Variants in CERS6 observed in about 807,000 individuals in gnomAD.
CERS6 encodes the protein LAG1 homolog, ceramide synthase 6.
Under a neutral mutation model 56.8 loss-of-function variants are expected in CERS6, and 26 were observed. The ratio of observed to expected loss-of-function variants is 0.46; its 90% CI spans 0.34 to 0.63. CERS6 has a LOEUF of 0.63. Among genes scored for constraint, CERS6 ranks in the 30% least tolerant of loss-of-function variants. The probability of loss-of-function intolerance (pLI) is 0.01; values close to 1 mark genes in which losing one functional copy is unlikely to be tolerated. For missense variants in CERS6, 415 were observed against 467.5 expected (o/e 0.89, Z 1.04); for synonymous variants, 164 against 173.3 (o/e 0.95, Z 0.42).
At chr2:168,757,300 G>C (rs559281471) in intron 8 of CERS6, among the ~76,000 whole-genome samples, 1 of 151,440 alleles carries the variant, frequency 6.6e-6, no homozygotes, top group East Asian at 1.9e-4. Context: ...CCAGGCAGTG[G>C]CAGAATTAAG....
At chr2:168,528,661 T>C (rs2105360867) in intron 1 of CERS6, among the ~76,000 whole-genome samples, 1 of 5,166 alleles carries the variant, frequency 1.9e-4, no homozygotes, top group East Asian at 2.6e-3. Context: ...AGGTTCATAG[T>C]TTTATAGCAT....
intron 1 of CERS6, among the ~76,000 whole-genome samples, chr2:168,509,688 T>C (rs1307546522): frequency 6.6e-6 from 1 of 152,240 alleles, no homozygotes; most frequent in Admixed American, 6.5e-5. Flanking sequence ...TCTCAGTGTT[T>C]GTAGAGTATT....
chr2:168,584,813 G>T (rs768483699), intron 3 of CERS6, among the ~76,000 whole-genome samples: 19 of 152,190 alleles, frequency 1.2e-4, no homozygotes, highest in Admixed American at 1.2e-3. Flanking sequence ...AAATTGTGGG[G>T]TTTTTTGTTT....
chr2:168,623,253 A>G (rs10184235), intron 3 of CERS6, among the ~76,000 whole-genome samples: 48,466 of 152,000 alleles, frequency 0.32, 8,554 homozygotes, highest in South Asian at 0.48. Context: ...CAGGGATAGG[A>G]GTGGGGGAAA....
Position 168,470,719 on chromosome 2 carries a change from T to C in CERS6, c.170+14101T>C, listed in dbSNP as rs181565325. The stretch of plus-strand genomic sequence containing the variant: ...GGACTAGGGAGAGAACAAAAACAGA[T>C]ATGCAGGTGGTGGTTGTTAACCAGA... On this transcript the variant is annotated intron_variant, in intron 1 of 9. Coordinates refer to ENST00000305747, the MANE Select transcript of CERS6 (RefSeq NM_203463.3). 3.3e-4 allele frequency among the ~76,000 whole-genome samples: 50 copies of C among 152,226 alleles called. No individual in the cohort carries two copies. The East Asian group carries it at 9.1e-3, about 28-fold the overall frequency.
intron 4 of CERS6, among the ~76,000 whole-genome samples, chr2:168,690,490 G>T (rs1444511608): frequency 6.6e-6 from 1 of 152,112 alleles, no homozygotes; most frequent in Non-Finnish European, 1.5e-5. Context: ...GTCATAAAAA[G>T]ACCTGGATCA....
At chr2:168,579,342 A>G (rs947390077) in intron 3 of CERS6, among the ~76,000 whole-genome samples, 9 of 152,068 alleles carry the variant, frequency 5.9e-5, no homozygotes, top group Non-Finnish European at 1.3e-4. Flanking sequence ...GGTTCAAGGT[A>G]ATGTATTTAA....
At chr2:168,708,301 C>A (rs1371685363) in intron 6 of CERS6, among the ~76,000 whole-genome samples, 2 of 152,088 alleles carry the variant, frequency 1.3e-5, no homozygotes, top group Non-Finnish European at 2.9e-5. Flanking sequence ...AAGTCCACTT[C>A]TACCGCCAGC....
intron 1 of CERS6, among the ~76,000 whole-genome samples, chr2:168,467,279 T>A (rs1325880634): frequency 9.2e-5 from 14 of 152,204 alleles, no homozygotes; most frequent in African/African-American, 3.4e-4. Flanking sequence ...GATCTTGTTT[T>A]AATAGCTCAC....
intron 4 of CERS6, among the ~76,000 whole-genome samples, chr2:168,685,280 A>C (rs1305011908): frequency 6.6e-6 from 1 of 152,148 alleles, no homozygotes; most frequent in East Asian, 1.9e-4. Flanking sequence ...TCTTTTCTTA[A>C]ATCAAAATAG....
intron 8 of CERS6, among the ~76,000 whole-genome samples, chr2:168,755,839 A>C (rs983450416): frequency 3.3e-5 from 5 of 152,218 alleles, no homozygotes; most frequent in Non-Finnish European, 7.3e-5. Context: ...TTTCTACTTT[A>C]ACTGAGTTAA....
chr2:168,532,926 T>G (rs910464934), intron 1 of CERS6, among the ~76,000 whole-genome samples: 1 of 152,230 alleles, frequency 6.6e-6, no homozygotes, highest in African/African-American at 2.4e-5. Context: ...GAGCATTTTT[T>G]TATGTTACTA....
rs1156972782 is a variant in CERS6 at position 168,717,904 on chromosome 2, G to T, written c.771G>T (p.Gln257His). The T allele has an allele frequency of 1.9e-6, 3 of 1,613,706 alleles. No individual in the cohort carries two copies. Among genetic ancestry groups the T allele is most frequent in the Non-Finnish European group, 2.5e-6 (3 of 1,179,786 alleles). The change falls in exon 8 of 10, where the codon CAG (glutamine) becomes CAT (histidine). Residue 257 changes from glutamine to histidine, a missense_variant. Physicochemically the swap from Gln to His is conservative, Grantham distance 24 (BLOSUM62 0). Coordinates refer to ENST00000305747, the MANE Select transcript of CERS6 (RefSeq NM_203463.3). ...AAKMANYAKF[Q>H]KMCDLLFVMF... ...AAATGGCAAATTATGCCAAGTTTCA[G>T]AAAATGTGTGATCTCCTGTTTGTTA... is the stretch of plus-strand genomic sequence containing the variant.
chr2:168,500,955 C>T lies in CERS6; in HGVS notation c.170+44337C>T, dbSNP rs13386293. Reference sequence around the variant, plus strand: ...AATTCCTTTATAACAATTAAAGCGACTATAAAGTAGATGTAGGGCTAGGCA... The same window carrying T: ...AATTCCTTTATAACAATTAAAGCGATTATAAAGTAGATGTAGGGCTAGGCA... On this transcript the variant is annotated intron_variant, in intron 1 of 9. Transcript: ENST00000305747. Among the ~76,000 whole-genome samples, 595 of 152,270 alleles carry T rather than the reference C, an allele frequency of 3.9e-3. 2 individuals carry two copies. The highest frequency in any genetic ancestry group is 0.013 in the African/African-American group (546 of 41,542).
At chr2:168,602,771 T>G (rs1185557649) in intron 3 of CERS6, among the ~76,000 whole-genome samples, 2 of 152,196 alleles carry the variant, frequency 1.3e-5, no homozygotes, top group Non-Finnish European at 2.9e-5. Context: ...GGTTTGGGGT[T>G]TGACCTGAGT....
intron 3 of CERS6, among the ~76,000 whole-genome samples, chr2:168,593,059 C>G (rs1200780674): frequency 6.6e-6 from 1 of 152,142 alleles, no homozygotes; most frequent in African/African-American, 2.4e-5. Context: ...GACCCTTCCT[C>G]CACTTTGAAA....
chr2:168,561,904 A>G (rs573077018), intron 3 of CERS6, among the ~76,000 whole-genome samples: 4 of 152,378 alleles, frequency 2.6e-5, no homozygotes, highest in African/African-American at 9.6e-5. Flanking sequence ...TAAAGGACCC[A>G]CAGAGAGCTC....
At chr2:168,497,710 G>T (rs899393961) in intron 1 of CERS6, among the ~76,000 whole-genome samples, 1 of 152,288 alleles carries the variant, frequency 6.6e-6, no homozygotes, top group Admixed American at 6.5e-5. Context: ...ATCACAGAGG[G>T]CCTTGGGAAG....
Position 168,456,329 on chromosome 2 carries a change from G to GGA in CERS6, c.-119_-118insAG. The GGA allele has an allele frequency of 3.8e-6, 2 of 525,040 alleles. No individual in the cohort carries two copies. The highest frequency in any genetic ancestry group is 5.3e-6 in the Non-Finnish European group (2 of 375,188). 32.5% of individuals were successfully genotyped at this position (525,040 alleles called of 1,614,324 possible). A position where few individuals can be genotyped will look rare whatever the true frequency, so the allele number is the denominator to read the frequency against. The stretch of plus-strand genomic sequence containing the variant: ...CGCGGAGGAGGCGGCGGCGGCGGGC[G>GGA]GGAGCAGCGGCGGCGGCGGCACAGG... On this transcript the variant is annotated 5_prime_UTR_variant, in exon 1 of 10. Transcript: ENST00000305747. This position sits in a 1 kb window ranked among gnomAD's most constrained non-coding sequence, Gnocchi z 4.1.
Sources: allele counts gnomAD v4.1 joint callset (sites outside exome capture counted in the v4.1 genomes callset), GRCh38; gene constraint gnomAD v4.1.1; non-coding constraint Gnocchi (gnomAD v3.1); transcripts MANE v1.5; gene names NCBI Gene and HGNC (gene_info 2026-07-23, HGNC 2026-07-21).